INSYN2B: variants seen among roughly 807,000 people sequenced by gnomAD.
INSYN2B encodes protein INSYN2B.
Under a neutral mutation model 41.2 loss-of-function variants are expected in INSYN2B, and 16 were observed. The observed-to-expected ratio is 0.39, with a 90% CI of 0.26 to 0.59. The LOEUF is 0.59. Among genes scored for constraint, INSYN2B ranks in the 20% least tolerant of loss-of-function variants. The pLI, the probability that INSYN2B is intolerant of heterozygous loss-of-function variation, is 0.57. For missense variants in INSYN2B, 608 were observed against 646.4 expected (o/e 0.94, Z 0.64); for synonymous variants, 245 against 244.4 (o/e 1.00, Z -0.02).
At chr5:169,905,759 G>T (rs1774240232) in intron 1 of INSYN2B, among the ~76,000 whole-genome samples, 1 of 152,216 alleles carries the variant, frequency 6.6e-6, no homozygotes, top group South Asian at 2.1e-4. Context: ...ACCCAGGTGT[G>T]CAGGGCTCAC....
Position 169,959,633 on chromosome 5 carries a change from T to C in INSYN2B, c.-919+20644A>G, listed in dbSNP as rs533472918. 3.3e-5 allele frequency among the ~76,000 whole-genome samples: 5 copies of C among 152,298 alleles called. No homozygotes were observed. The East Asian group carries it at 9.7e-4, about 29-fold the overall frequency. ...GGAATGCTTCACAGAGGATCATGCA[T>C]AAAGGTAAGTGTTGGACTAAAGGAC... On this transcript the variant is annotated intron_variant, in intron 1 of 3. Coordinates refer to ENST00000377365, the MANE Select transcript of INSYN2B (RefSeq NM_001129891.3).
At chr5:169,874,659 G>A (rs759629848) in intron 3 of INSYN2B, among the ~76,000 whole-genome samples, 4 of 152,078 alleles carry the variant, frequency 2.6e-5, no homozygotes, top group South Asian at 2.1e-4. Flanking sequence ...CGTTCTTAGC[G>A]TTTGGTCCCT....
At chr5:169,966,368 C>T (rs540310875) in intron 1 of INSYN2B, among the ~76,000 whole-genome samples, 2 of 152,206 alleles carry the variant, frequency 1.3e-5, no homozygotes, top group South Asian at 4.1e-4. Context: ...GTAGCTTTAC[C>T]ACATAACCCA....
At chr5:169,939,058 C>T (rs1332201411) in intron 1 of INSYN2B, among the ~76,000 whole-genome samples, 2 of 151,764 alleles carry the variant, frequency 1.3e-5, no homozygotes, top group Non-Finnish European at 2.9e-5. Flanking sequence ...CATGCACCAC[C>T]ACGCCCTGCT....
intron 1 of INSYN2B, among the ~76,000 whole-genome samples, chr5:169,945,062 A>G (rs1776390816): frequency 2.0e-5 from 3 of 152,220 alleles, no homozygotes. Flanking sequence ...AGGACAAAAG[A>G]GCATTCACAG....
At chr5:169,950,379 A>C (rs1239576899) in intron 1 of INSYN2B, among the ~76,000 whole-genome samples, 2 of 152,220 alleles carry the variant, frequency 1.3e-5, no homozygotes, top group Non-Finnish European at 2.9e-5. Context: ...AGCACTCAAA[A>C]AACAGTAGTA....
chr5:169,925,295 T>A (rs1581425465), intron 1 of INSYN2B, among the ~76,000 whole-genome samples: 1 of 152,128 alleles, frequency 6.6e-6, no homozygotes, highest in East Asian at 1.9e-4. Flanking sequence ...ACCCTGCAGG[T>A]AAGACCCTAG....
At position 169,903,091 on chromosome 5, in the gene INSYN2B, C is replaced by A. The variant is rs112788404; in HGVS notation, c.-918-18275G>T. 8.6e-3 allele frequency among the ~76,000 whole-genome samples: 1,291 copies of A among 149,948 alleles called. 20 individuals are homozygous for A. The highest frequency in any genetic ancestry group is 0.011 in the Non-Finnish European group (759 of 67,496). On this transcript the variant is annotated intron_variant, in intron 1 of 3. Transcript: ENST00000377365. ...CCAGCCTGGCGACAGAGCAAGACTC[C>A]ATCTCAAAAAAAAAAGAAAGAAAGG...
At chr5:169,972,114 T>C (rs1030331877) in intron 1 of INSYN2B, among the ~76,000 whole-genome samples, 15 of 152,224 alleles carry the variant, frequency 9.9e-5, no homozygotes, top group African/African-American at 3.4e-4. Context: ...AAATGTATTT[T>C]CTATTATTGA....
chr5:169,870,199 A>G (rs1771864577), intron 3 of INSYN2B, among the ~76,000 whole-genome samples: 1 of 152,184 alleles, frequency 6.6e-6, no homozygotes, highest in Non-Finnish European at 1.5e-5. Context: ...AGAGTGAGCT[A>G]TGTGTAAACC....
chr5:169,943,653 C>CAGAT (rs1776329413), intron 1 of INSYN2B, among the ~76,000 whole-genome samples: 1 of 152,160 alleles, frequency 6.6e-6, no homozygotes, highest in African/African-American at 2.4e-5. Flanking sequence ...TTAGAGTTTG[C>CAGAT]AGATCTGGGG....
At chr5:169,918,632 A>G (rs770918999) in intron 1 of INSYN2B, among the ~76,000 whole-genome samples, 1 of 152,130 alleles carries the variant, frequency 6.6e-6, no homozygotes, top group African/African-American at 2.4e-5. Context: ...TGCAAACTAG[A>G]CCAGGTGCAG....
intron 3 of INSYN2B, among the ~76,000 whole-genome samples, chr5:169,872,259 A>G (rs1396117371): frequency 2.0e-5 from 3 of 152,190 alleles, no homozygotes; most frequent in African/African-American, 7.2e-5. Context: ...GTAAGAATCA[A>G]TGGATGCAGC....
intron 1 of INSYN2B, among the ~76,000 whole-genome samples, chr5:169,906,828 T>C (rs1774307427): frequency 6.6e-6 from 1 of 152,212 alleles, no homozygotes; most frequent in Non-Finnish European, 1.5e-5. Flanking sequence ...ATAGGGAAAT[T>C]AGGGCCTGAA....
intron 1 of INSYN2B, among the ~76,000 whole-genome samples, chr5:169,951,247 A>C (rs191237989): frequency 5.9e-5 from 9 of 152,296 alleles, no homozygotes; most frequent in African/African-American, 2.2e-4. Flanking sequence ...TACCTTCCCT[A>C]GTGTGGACAG....
intron 1 of INSYN2B, among the ~76,000 whole-genome samples, chr5:169,912,515 A>C (rs1774655022): frequency 6.6e-6 from 1 of 152,132 alleles, no homozygotes; most frequent in Non-Finnish European, 1.5e-5. Context: ...AGACATCAGC[A>C]TTCTCCCCTG....
intron 1 of INSYN2B, among the ~76,000 whole-genome samples, chr5:169,903,077 A>G (rs1774031502): frequency 6.6e-6 from 1 of 151,650 alleles, no homozygotes; most frequent in Non-Finnish European, 1.5e-5. Context: ...CAGCCTGGCG[A>G]CAGAGCAAGA....
intron 3 of INSYN2B, chr5:169,875,762 G>A (rs1163013797): frequency 6.5e-6 from 1 of 153,164 alleles, no homozygotes; most frequent in Non-Finnish European, 1.5e-5. Context: ...CTCGGTAAGT[G>A]GTAGCTCTCT....
intron 1 of INSYN2B, among the ~76,000 whole-genome samples, chr5:169,925,784 C>G (rs1416449611): frequency 6.6e-6 from 1 of 151,918 alleles, no homozygotes; most frequent in Non-Finnish European, 1.5e-5. Context: ...GATGCCAGAC[C>G]AATAATGGTG....
Sources: allele counts gnomAD v4.1 joint callset (sites outside exome capture counted in the v4.1 genomes callset), GRCh38; gene constraint gnomAD v4.1.1; transcripts MANE v1.5; gene names NCBI Gene and HGNC (gene_info 2026-07-23, HGNC 2026-07-21).